The following SLC7A10 variants were observed in gnomAD, a reference collection of about 807,000 sequenced individuals.
The protein encoded by SLC7A10 is asc-type amino acid transporter 1.
Under a neutral mutation model 52.7 loss-of-function variants are expected in SLC7A10, and 30 were observed. The ratio of observed to expected loss-of-function variants is 0.57; its 90% CI spans 0.43 to 0.77. The LOEUF is 0.77. Ranked by LOEUF, SLC7A10 falls within the 30% of genes least tolerant of loss-of-function variation. The probability of loss-of-function intolerance (pLI) is 0.00; values close to 1 mark genes in which losing one functional copy is unlikely to be tolerated. For missense variants in SLC7A10, 581 were observed against 698.5 expected (o/e 0.83, Z 1.90); for synonymous variants, 318 against 314.9 (o/e 1.01, Z -0.10).
chr19:33,219,347 C>T (rs1056902037), intron 1 of SLC7A10, among the ~76,000 whole-genome samples: 2 of 152,246 alleles, frequency 1.3e-5, no homozygotes, highest in South Asian at 2.1e-4. Context: ...GTGGCCGCTG[C>T]GGTGCATGCT....
rs773008138 is a variant in SLC7A10 at position 33,209,496 on chromosome 19, G to T, written c.1264-11C>A. ...GATGAGAAGGTTCACCTGGGGAAGG[G>T]GGAGCAGAAACACCGATGGTGCAGG... On this transcript the variant is annotated splice_polypyrimidine_tract_variant and intron_variant, in intron 9 of 10. Coordinates refer to ENST00000253188, the MANE Select transcript of SLC7A10 (RefSeq NM_019849.3). 6.2e-7 allele frequency: 1 copy of T among 1,613,540 alleles called. No homozygotes were observed. The highest frequency in any genetic ancestry group is 8.5e-7 in the Non-Finnish European group (1 of 1,179,918).
At chr19:33,214,678 G>C (rs1360881543) in intron 2 of SLC7A10, among the ~76,000 whole-genome samples, 1 of 152,212 alleles carries the variant, frequency 6.6e-6, no homozygotes, top group Non-Finnish European at 1.5e-5. Context: ...GCTAGGCCCG[G>C]TGGGGAAAAT....
chr19:33,209,839 G>T (rs1375625863), intron 9 of SLC7A10, among the ~76,000 whole-genome samples: 2 of 152,166 alleles, frequency 1.3e-5, no homozygotes, highest in Non-Finnish European at 2.9e-5. Flanking sequence ...ACACATGGGG[G>T]GCTTTGCTTT....
At chr19:33,222,480 A>C (rs925583616) in intron 1 of SLC7A10, among the ~76,000 whole-genome samples, 14 of 142,898 alleles carry the variant, frequency 9.8e-5, no homozygotes, top group African/African-American at 3.7e-4. Context: ...AAATAAAATA[A>C]AATAAAATAA....
In SLC7A10 at chr19:33,221,580, C is replaced by T. The variant is rs182523383; in HGVS notation, c.151+3973G>A. Among the ~76,000 whole-genome samples the T allele has an allele frequency of 4.0e-3, 609 of 152,256 alleles. 7 individuals are homozygous for T. Among genetic ancestry groups the T allele is most frequent in the Middle Eastern group, 0.027 (8 of 294 alleles). On this transcript the variant is annotated intron_variant, in intron 1 of 10. Transcript: ENST00000253188. The stretch of plus-strand genomic sequence containing the variant: ...TAAGCCCCTGCACAGTTGTATGGCT[C>T]CTCAGGGCCCCGGTGAGGAGGGGCT...
Position 33,215,814 on chromosome 19 carries a change from C to T in SLC7A10, c.311G>A (p.Gly104Asp). 2 of 1,579,844 alleles carry T rather than the reference C, an allele frequency of 1.3e-6. No homozygotes were observed. The highest frequency in any genetic ancestry group is 1.7e-6 in the Non-Finnish European group (2 of 1,163,206). The stretch of plus-strand genomic sequence containing the variant: ...CTCTGTGACGTAGGCGTAGTCCCCG[C>T]CAGACTTGGGGATGGCGACTCCCAG... ...AELGVAIPKS[G>D]GDYAYVTEIF... is the part of the protein sequence containing the mutation. Residue 104 changes from glycine to aspartate, a missense_variant, in exon 2 of 11, where the codon GGC becomes GAC. Gly to Asp is a moderately conservative substitution (Grantham distance 94). Coordinates refer to ENST00000253188, the MANE Select transcript of SLC7A10 (RefSeq NM_019849.3).
At chr19:33,219,973 C>T (rs1274658582) in intron 1 of SLC7A10, 1 of 152,248 alleles carries the variant, frequency 6.6e-6, no homozygotes, top group African/African-American at 2.4e-5. Flanking sequence ...TGGAGACCCC[C>T]TAGGCAGCCC....
chr19:33,225,840 G>A lies in SLC7A10; in HGVS notation c.-137C>T, dbSNP rs1352893032. On this transcript the variant is annotated 5_prime_UTR_variant, in exon 1 of 11. Coordinates refer to ENST00000253188, the MANE Select transcript of SLC7A10 (RefSeq NM_019849.3). ...CAGGCGGGCGCATGCGCTGGCTCCG[G>A]GCCCGGGACTGGGGGCCCCGGGCGG... 26 of 1,054,490 alleles carry A rather than the reference G, an allele frequency of 2.5e-5. No individual in the cohort carries two copies. The highest frequency in any genetic ancestry group is 3.1e-5 in the Non-Finnish European group (26 of 828,848). 65.3% of individuals were successfully genotyped at this position (1,054,490 alleles called of 1,614,324 possible).
At chr19:33,224,423 T>C (rs534045243) in intron 1 of SLC7A10, among the ~76,000 whole-genome samples, 1 of 152,022 alleles carries the variant, frequency 6.6e-6, no homozygotes, top group East Asian at 1.9e-4. Context: ...GGCCAGGGGC[T>C]GTGTTCAGGG....
chr19:33,225,850 T>TGGGGGCCCCGGGCGGC (rs933002462), upstream of SLC7A10: 3 of 909,696 alleles, frequency 3.3e-6, no homozygotes, highest in Non-Finnish European at 4.2e-6. Context: ...GGCCCGGGAC[T>TGGGGGCCCCGGGCGGC]GGGGGCCCCG....
chr19:33,224,686 G>C (rs930805513), intron 1 of SLC7A10, among the ~76,000 whole-genome samples: 1 of 152,210 alleles, frequency 6.6e-6, no homozygotes, highest in Non-Finnish European at 1.5e-5. Context: ...GGGCTCAGAG[G>C]CACTCTGTGT....
chr19:33,211,779 C>G, intron 5 of SLC7A10: 1 of 623,426 alleles, frequency 1.6e-6, no homozygotes, highest in Non-Finnish European at 2.8e-6. Flanking sequence ...ATCCTGAGGA[C>G]AGGGTCTGAT....
At position 33,210,733 on chromosome 19, in the gene SLC7A10, C is replaced by T; in HGVS notation, c.1113+69G>A. 2 of 1,577,840 alleles carry T rather than the reference C, an allele frequency of 1.3e-6. No individual in the cohort carries two copies. Among genetic ancestry groups the T allele is most frequent in the Non-Finnish European group, 1.7e-6 (2 of 1,154,054 alleles). On this transcript the variant is annotated intron_variant, in intron 8 of 10. Coordinates refer to ENST00000253188, the MANE Select transcript of SLC7A10 (RefSeq NM_019849.3). This position sits in a 1 kb window ranked among gnomAD's most constrained non-coding sequence, Gnocchi z 5.6. ...CTGGAATGGCTCACCCCTGCCATTACCCGGAAGGTCCTGCATTGCCGGGTA... is the reference window on the plus strand; with the variant it reads ...CTGGAATGGCTCACCCCTGCCATTATCCGGAAGGTCCTGCATTGCCGGGTA...
chr19:33,208,954 C>T lies in SLC7A10; in HGVS notation c.1509G>A (p.Glu503=). The stretch of plus-strand genomic sequence containing the variant: ...GGGAGGGTGGGCAGGGGCCATTCTC[C>T]TCCTCTTCGGGGGCGTCCTGGGGGT... The part of the protein sequence containing the change: ...VVYPQDAPEE[E]ENGPCPPSLL... Residue 503 remains glutamate (E), a synonymous_variant, in exon 11 of 11, where the codon GAG becomes GAA. Coordinates refer to ENST00000253188, the MANE Select transcript of SLC7A10 (RefSeq NM_019849.3). The surrounding 1 kb of genome is among the most constrained non-coding windows in gnomAD (Gnocchi z 4.7). 1.2e-6 allele frequency: 2 copies of T among 1,613,854 alleles called. No homozygotes were observed. The highest frequency in any genetic ancestry group is 1.7e-6 in the Non-Finnish European group (2 of 1,180,024).
At chr19:33,224,834 G>A (rs953868131) in intron 1 of SLC7A10, among the ~76,000 whole-genome samples, 4 of 152,160 alleles carry the variant, frequency 2.6e-5, no homozygotes, top group Non-Finnish European at 5.9e-5. Flanking sequence ...TCTCAGGTGG[G>A]GACTTTGGAG....
chr19:33,215,348 A>T (rs1274305662), intron 2 of SLC7A10, among the ~76,000 whole-genome samples: 1 of 151,856 alleles, frequency 6.6e-6, no homozygotes, highest in East Asian at 1.9e-4. Context: ...CTCATGCAAC[A>T]TATGGGTTTA....
chr19:33,223,669 A>G (rs1379064502), intron 1 of SLC7A10, among the ~76,000 whole-genome samples: 2 of 152,060 alleles, frequency 1.3e-5, no homozygotes, highest in East Asian at 3.9e-4. Flanking sequence ...CCAGGCCAAG[A>G]TCAAGGCTCC....
Position 33,209,033 on chromosome 19 carries a change from C to G in SLC7A10, c.1442-12G>C, listed in dbSNP as rs759098856. ...GTGTGTCATGGACTCTGAGGACAGA[C>G]AGATGGACCTTGGGGCCTGACCTCT... is the stretch of plus-strand genomic sequence containing the variant. On this transcript the variant is annotated splice_polypyrimidine_tract_variant and intron_variant, in intron 10 of 10. Coordinates refer to ENST00000253188, the MANE Select transcript of SLC7A10 (RefSeq NM_019849.3). 1.2e-6 allele frequency: 2 copies of G among 1,613,346 alleles called. No homozygotes were observed. Among genetic ancestry groups the G allele is most frequent in the African/African-American group, 1.3e-5 (1 of 74,916 alleles).
At chr19:33,211,381 C>T in intron 6 of SLC7A10, 33 bp downstream of exon 6, 3 of 1,613,612 alleles carry the variant, frequency 1.9e-6, no homozygotes, top group Non-Finnish European at 2.5e-6. Context: ...GGGGCCTGGG[C>T]AGGAGCCAGG....
Sources: gnomAD v4.1 joint callset for allele counts (sites outside exome capture counted in the v4.1 genomes callset) on GRCh38, gnomAD v4.1.1 for gene constraint, Gnocchi (gnomAD v3.1) non-coding constraint, MANE v1.5 for transcripts, NCBI Gene and HGNC (gene_info 2026-07-23, HGNC 2026-07-21) for gene names.